BBX: variants seen among roughly 807,000 people sequenced by gnomAD.
BBX encodes BBX high mobility group box domain containing.
A neutral mutation model predicts 100.2 loss-of-function variants in BBX; 30 were observed. That is an observed-to-expected ratio of 0.30 (90% CI 0.22 to 0.41). The LOEUF is 0.41. BBX is among the 10% of genes least tolerant of loss of function. The pLI is 1.00. For missense variants in BBX, 1,023 were observed against 1,129.8 expected (o/e 0.91, Z 1.35); for synonymous variants, 376 against 388.1 (o/e 0.97, Z 0.37).
chr3:107,579,101 C>T (rs1478389333), intron 2 of BBX, among the ~76,000 whole-genome samples: 2 of 152,122 alleles, frequency 1.3e-5, no homozygotes, highest in Non-Finnish European at 2.9e-5. Context: ...TCTCAAACGC[C>T]TGCATTATTT....
chr3:107,593,079 G>A (rs998461209), intron 2 of BBX, among the ~76,000 whole-genome samples: 2 of 152,126 alleles, frequency 1.3e-5, no homozygotes, highest in African/African-American at 4.8e-5. Context: ...ACCCTCGTTG[G>A]GAGTTCAAGG....
intron 13 of BBX, among the ~76,000 whole-genome samples, chr3:107,786,172 GA>G (rs1010127088): frequency 6.6e-6 from 1 of 151,976 alleles, no homozygotes; most frequent in African/African-American, 2.4e-5. Context: ...AAATATGATA[GA>G]AATTAATAGA....
chr3:107,655,471 G>A (rs2058075728), intron 3 of BBX, among the ~76,000 whole-genome samples: 1 of 149,628 alleles, frequency 6.7e-6, no homozygotes, highest in Non-Finnish European at 1.5e-5. Context: ...GATTCTTAAT[G>A]AGAATTCACT....
intron 6 of BBX, among the ~76,000 whole-genome samples, chr3:107,730,450 C>A (rs988585765): frequency 2.7e-5 from 4 of 150,416 alleles, no homozygotes; most frequent in Admixed American, 6.6e-5. Context: ...TCCCAATTCT[C>A]AGTCTAGATC....
chr3:107,738,751 G>A (rs1252082204), intron 7 of BBX, among the ~76,000 whole-genome samples: 1 of 152,168 alleles, frequency 6.6e-6, no homozygotes, highest in Non-Finnish European at 1.5e-5. Flanking sequence ...CCTTACTGAA[G>A]CTCATCACTG....
rs764877981 is a variant in BBX, at chr3:107,798,546, A to G, written c.2377A>G (p.Thr793Ala). Reference sequence around the variant, plus strand: ...AGCCATATTTTCAGAAGACAGAAACACCATGGAGCCTGTTCATAAGGTTAA... The same window carrying G: ...AGCCATATTTTCAGAAGACAGAAACGCCATGGAGCCTGTTCATAAGGTTAA... Reference protein sequence around the residue: ...TEAIFSEDRNTMEPVHKVKNI... With the variant: ...TEAIFSEDRNAMEPVHKVKNI... Residue 793 changes from threonine (T) to alanine (A), a missense_variant, in exon 16 of 18, where the codon ACC becomes GCC. By Grantham distance (58) the Thr-to-Ala change is moderately conservative. Transcript: ENST00000325805. 1 of 1,614,050 alleles carries G rather than the reference A, an allele frequency of 6.2e-7. No individual in the cohort carries two copies. Among genetic ancestry groups the G allele is most frequent in the Non-Finnish European group, 8.5e-7 (1 of 1,179,934 alleles).
intron 2 of BBX, among the ~76,000 whole-genome samples, chr3:107,585,852 G>A (rs7635655): frequency 0.11 from 16,559 of 152,038 alleles, 1,229 homozygotes; most frequent in Middle Eastern, 0.19. Context: ...AAGAAAACAA[G>A]CTATTTGGTT....
chr3:107,773,704 A>G lies in BBX; in HGVS notation c.1915+68A>G. The G allele has an allele frequency of 7.2e-7, 1 of 1,391,690 alleles. No homozygotes were observed. Among genetic ancestry groups the G allele is most frequent in the Non-Finnish European group, 9.7e-7 (1 of 1,031,094 alleles). The allele number at this position is 1,391,690 out of a possible 1,614,324, so 86.2% of individuals were successfully genotyped here. A position where few individuals can be genotyped will look rare whatever the true frequency, so the allele number is the denominator to read the frequency against. Reference sequence around the variant, plus strand: ...CAGAATTTCACCTTTAGACCTATTGAAAACAACTGCCATAAAAAACAATAT... The same window carrying G: ...CAGAATTTCACCTTTAGACCTATTGGAAACAACTGCCATAAAAAACAATAT... On this transcript the variant is annotated intron_variant, in intron 11 of 17. Coordinates refer to ENST00000325805, the MANE Select transcript of BBX (RefSeq NM_001142568.3). This position sits in a 1 kb window ranked among gnomAD's most constrained non-coding sequence, Gnocchi z 4.1.
chr3:107,560,295 C>T (rs1181347442), intron 2 of BBX, among the ~76,000 whole-genome samples: 4 of 151,622 alleles, frequency 2.6e-5, no homozygotes, highest in African/African-American at 9.7e-5. Context: ...GACCTTTTAT[C>T]CCGTCTTGTT....
chr3:107,798,833 G>T, intron 16 of BBX, 113 bp downstream of exon 16: 1 of 860,908 alleles, frequency 1.2e-6, no homozygotes, highest in Non-Finnish European at 1.7e-6. Context: ...TAGCCAATGA[G>T]CTAAAAAAAA....
chr3:107,546,760 C>G (rs1463917220), intron 2 of BBX, among the ~76,000 whole-genome samples: 2 of 152,070 alleles, frequency 1.3e-5, no homozygotes, highest in African/African-American at 4.8e-5. Flanking sequence ...TGATTTGGGA[C>G]CTGAAAAACT....
At chr3:107,698,164 G>T (rs1559992750) in intron 3 of BBX, among the ~76,000 whole-genome samples, 2 of 151,900 alleles carry the variant, frequency 1.3e-5, no homozygotes, top group Admixed American at 6.5e-5. Flanking sequence ...CTTCTGGGTC[G>T]CTCACACTGG....
At chr3:107,744,260 A>T (rs76802876) in intron 7 of BBX, among the ~76,000 whole-genome samples, 1,703 of 152,256 alleles carry the variant, frequency 0.011, 24 homozygotes, top group African/African-American at 0.039. Flanking sequence ...TGTGGTGATC[A>T]GTGTTTAATA....
chr3:107,578,187 A>T (rs555344285), intron 2 of BBX, among the ~76,000 whole-genome samples: 1 of 152,338 alleles, frequency 6.6e-6, no homozygotes, highest in South Asian at 2.1e-4. Flanking sequence ...GTAAAGAATC[A>T]GCTCTTCTTT....
chr3:107,772,346 C>T (rs1231424521), intron 10 of BBX, among the ~76,000 whole-genome samples: 1 of 152,158 alleles, frequency 6.6e-6, no homozygotes, highest in African/African-American at 2.4e-5. Flanking sequence ...GAATCCCTTC[C>T]TCCTTCTTCC....
intron 13 of BBX, among the ~76,000 whole-genome samples, chr3:107,785,264 C>A (rs2068296012): frequency 6.6e-6 from 1 of 150,888 alleles, no homozygotes; most frequent in Non-Finnish European, 1.5e-5. Context: ...CAATTTTTCA[C>A]AAATGAATCC....
In BBX at chr3:107,591,170, A is replaced by G. The variant is rs368871528; in HGVS notation, c.-83-54666A>G. 1.7e-4 allele frequency among the ~76,000 whole-genome samples: 26 copies of G among 152,230 alleles called. 1 individual carries two copies. The highest frequency in any genetic ancestry group is 1.2e-3 in the East Asian group (6 of 5,198). ...AACACATCATTCCTTTTCAAGGTTC[A>G]TATCTCTTATTGGTGCTTTCAGTTC... On this transcript the variant is annotated intron_variant, in intron 2 of 17. Coordinates refer to ENST00000325805, the MANE Select transcript of BBX (RefSeq NM_001142568.3).
intron 2 of BBX, among the ~76,000 whole-genome samples, chr3:107,575,726 T>C (rs960135534): frequency 1.3e-5 from 2 of 152,212 alleles, no homozygotes; most frequent in African/African-American, 4.8e-5. Context: ...TTTCCTCGGG[T>C]AATTATGTCT....
Position 107,721,908 on chromosome 3 carries a change from G to T in BBX, c.405+5059G>T. On this transcript the variant is annotated intron_variant, in intron 5 of 17. Coordinates refer to ENST00000325805, the MANE Select transcript of BBX (RefSeq NM_001142568.3). Reference sequence around the variant, plus strand: ...AAGTTTAAAACTCTATACAAATGTTGGTTTTAGGGTTATTTCTGATAAGCA... The same window carrying T: ...AAGTTTAAAACTCTATACAAATGTTTGTTTTAGGGTTATTTCTGATAAGCA... Among the ~76,000 whole-genome samples the T allele has an allele frequency of 1.3e-5, 2 of 151,700 alleles. 1 individual carries two copies. Among genetic ancestry groups the T allele is most frequent in the East Asian group, 3.9e-4 (2 of 5,178 alleles).
Sources: allele counts gnomAD v4.1 joint callset (sites outside exome capture counted in the v4.1 genomes callset), GRCh38; gene constraint gnomAD v4.1.1; non-coding constraint Gnocchi (gnomAD v3.1); transcripts MANE v1.5; gene names NCBI Gene and HGNC (gene_info 2026-07-23, HGNC 2026-07-21).